Variants in AHI1 observed in about 807,000 individuals in gnomAD.
AHI1 encodes jouberin.
AHI1 carries 123 observed loss-of-function variants against 149.3 expected under a neutral mutation model. That is an observed-to-expected ratio of 0.82 (90% confidence interval 0.71 to 0.96). AHI1 has a LOEUF of 0.96. Ranked by LOEUF, AHI1 falls within the 40% of genes least tolerant of loss-of-function variation. The pLI, the probability that AHI1 is intolerant of heterozygous loss-of-function variation, is 0.00. For missense variants in AHI1, 1,439 were observed against 1,422.7 expected (o/e 1.01, Z -0.18); for synonymous variants, 475 against 459.8 (o/e 1.03, Z -0.42).
chr6:135,324,217 C>T (rs1787300090), intron 24 of AHI1, among the ~76,000 whole-genome samples: 1 of 152,066 alleles, frequency 6.6e-6, no homozygotes, highest in Non-Finnish European at 1.5e-5. Context: ...AGTCCTAGCA[C>T]TCAGGAGGCT....
At chr6:135,440,597 T>C (rs1786131075) in intron 14 of AHI1, among the ~76,000 whole-genome samples, 2 of 152,150 alleles carry the variant, frequency 1.3e-5, no homozygotes, top group African/African-American at 2.4e-5. Context: ...AAGGCAGAGC[T>C]GTAGATTGTG....
chr6:135,323,216 T>G lies in AHI1; in HGVS notation c.3274A>C (p.Ser1092Arg), dbSNP rs375028507. The G allele has an allele frequency of 1.9e-5, 30 of 1,613,702 alleles. No individual in the cohort carries two copies. Among genetic ancestry groups the G allele is most frequent in the African/African-American group, 2.7e-5 (2 of 74,926 alleles). Reference sequence around the variant, plus strand: ...TAACCTTCCTGTCCCTTTCCTATGCTGCCATACCACCAGTCTTCATTATCT... The same window carrying G: ...TAACCTTCCTGTCCCTTTCCTATGCGGCCATACCACCAGTCTTCATTATCT... ...FKDNEDWWYG[S>R]IGKGQEGYFP... Residue 1092 changes from serine to arginine, a missense_variant, in exon 25 of 29, where the codon AGC becomes CGC. By Grantham distance (110) the Ser-to-Arg change is moderately radical. Transcript: ENST00000265602.
rs1017554619 is a variant in AHI1 at position 135,284,158 on chromosome 6, G to C, written c.*1487C>G. On this transcript the variant is annotated 3_prime_UTR_variant, in exon 29 of 29. Transcript: ENST00000265602. The stretch of plus-strand genomic sequence containing the variant: ...TGCCATCAGAACAGACTTTTGGGCG[G>C]ATGGCTGTAGGCTTCACCAGTTATC... 1 of 152,194 alleles carries C rather than the reference G, an allele frequency of 6.6e-6. No individual in the cohort carries two copies. The highest frequency in any genetic ancestry group is 1.5e-5 in the Non-Finnish European group (1 of 68,028). The allele number at this position is 152,194 out of a possible 1,614,324, so 9.4% of individuals were successfully genotyped here.
intron 9 of AHI1, 109 bp downstream of exon 9, chr6:135,457,385 A>C: frequency 1.3e-6 from 1 of 749,438 alleles, no homozygotes; most frequent in Non-Finnish European, 2.2e-6. Context: ...ACTATTCTCT[A>C]ATACAAATCC....
intron 5 of AHI1, among the ~76,000 whole-genome samples, chr6:135,472,582 C>G (rs1359570126): frequency 6.6e-6 from 1 of 152,194 alleles, no homozygotes; most frequent in Non-Finnish European, 1.5e-5. Context: ...GCTTCTCAAA[C>G]TGGCTGTACT....
chr6:135,358,436 A>AG (rs1000500773), intron 23 of AHI1, among the ~76,000 whole-genome samples: 4 of 152,152 alleles, frequency 2.6e-5, no homozygotes, highest in Non-Finnish European at 4.4e-5. Flanking sequence ...CAATAGCGCA[A>AG]GATGTGTCCA....
At chr6:135,312,036 G>A (rs1785276997) in intron 26 of AHI1, among the ~76,000 whole-genome samples, 1 of 152,226 alleles carries the variant, frequency 6.6e-6, no homozygotes, top group East Asian at 1.9e-4. Flanking sequence ...GGAAGAACAT[G>A]TAAGATGCAG....
At chr6:135,481,806 GGAGAC>G (rs1304983258) in intron 5 of AHI1, among the ~76,000 whole-genome samples, 2 of 143,936 alleles carry the variant, frequency 1.4e-5, no homozygotes, top group Admixed American at 1.4e-4. Context: ...ATTTTTGCAA[GGAGAC>G]ATATCTTGCA....
In AHI1 at chr6:135,472,018, C is replaced by CAAAAAAAAAAAAAAAAAAAAAAAAA. The variant is rs541390652; in HGVS notation, c.136-4409_136-4385dup. On this transcript the variant is annotated intron_variant, in intron 5 of 28. Coordinates refer to ENST00000265602, the MANE Select transcript of AHI1 (RefSeq NM_001134831.2). ...TGGGCGACAGAGCGAGACTCCGTCTCAAAAAAAAAAAAAAAAAAAAAAAAA... is the reference window on the plus strand; with the variant it reads ...TGGGCGACAGAGCGAGACTCCGTCTCAAAAAAAAAAAAAAAAAAAAAAAAAAAAAAAAAAAAAAAAAAAAAAAAAA... Among the ~76,000 whole-genome samples, 2 of 54,424 alleles carry CAAAAAAAAAAAAAAAAAAAAAAAAA rather than the reference C, an allele frequency of 3.7e-5. 1 individual carries two copies. Among genetic ancestry groups the CAAAAAAAAAAAAAAAAAAAAAAAAA allele is most frequent in the Non-Finnish European group, 6.2e-5 (2 of 32,318 alleles). 35.7% of individuals were successfully genotyped at this position (54,424 alleles called of 152,430 possible). A position where few individuals can be genotyped will look rare whatever the true frequency, so the allele number is the denominator to read the frequency against.
At chr6:135,417,671 C>T (rs1782574230) in intron 20 of AHI1, among the ~76,000 whole-genome samples, 1 of 151,808 alleles carries the variant, frequency 6.6e-6, no homozygotes, top group Admixed American at 6.6e-5. Flanking sequence ...ATTTTCTATA[C>T]AGAAGCCAAC....
intron 24 of AHI1, among the ~76,000 whole-genome samples, chr6:135,328,899 T>C (rs1788114672): frequency 6.6e-6 from 1 of 152,158 alleles, no homozygotes; most frequent in Non-Finnish European, 1.5e-5. Context: ...GCCTTATTGC[T>C]GATATGGAAG....
chr6:135,316,853 T>C (rs1293600724), intron 26 of AHI1, among the ~76,000 whole-genome samples: 1 of 152,182 alleles, frequency 6.6e-6, no homozygotes, highest in Non-Finnish European at 1.5e-5. Context: ...CTGGGAGCAC[T>C]ACAGATACTA....
intron 8 of AHI1, among the ~76,000 whole-genome samples, chr6:135,458,043 T>TA (rs1447909802): frequency 6.6e-6 from 1 of 152,222 alleles, no homozygotes; most frequent in African/African-American, 2.4e-5. Context: ...CTAGAATTTC[T>TA]AATTCTGGGT....
chr6:135,357,228 T>C (rs1327214198), intron 24 of AHI1, among the ~76,000 whole-genome samples: 1 of 152,190 alleles, frequency 6.6e-6, no homozygotes, highest in Non-Finnish European at 1.5e-5. Flanking sequence ...TGAGCCACTG[T>C]GTCCGGCCAT....
intron 24 of AHI1, among the ~76,000 whole-genome samples, chr6:135,337,246 A>G (rs938836757): frequency 2.0e-5 from 3 of 152,154 alleles, no homozygotes; most frequent in African/African-American, 7.2e-5. Flanking sequence ...TCTTCATACT[A>G]ATTTCTCACT....
intron 8 of AHI1, among the ~76,000 whole-genome samples, chr6:135,459,719 A>G (rs17064548): frequency 2.5e-4 from 37 of 146,130 alleles, no homozygotes; most frequent in African/African-American, 8.7e-4. Flanking sequence ...AAACTACAGT[A>G]TATCAAATAG....
chr6:135,296,241 T>A (rs760635539), intron 27 of AHI1, among the ~76,000 whole-genome samples: 1 of 152,244 alleles, frequency 6.6e-6, no homozygotes, highest in Non-Finnish European at 1.5e-5. Context: ...ACTAACTTCA[T>A]GGCTCCCACT....
chr6:135,457,368 C>T (rs1789136792), intron 9 of AHI1, 126 bp downstream of exon 9: 4 of 665,134 alleles, frequency 6.0e-6, no homozygotes, highest in Non-Finnish European at 1.0e-5. Flanking sequence ...ACACCTACAA[C>T]TAGTAGACTA....
intron 15 of AHI1, among the ~76,000 whole-genome samples, chr6:135,434,849 A>G (rs1785166178): frequency 6.6e-6 from 1 of 152,182 alleles, no homozygotes; most frequent in African/African-American, 2.4e-5. Flanking sequence ...GTGGGCACAT[A>G]TAGGCCTGTG....
Sources: allele counts gnomAD v4.1 joint callset (sites outside exome capture counted in the v4.1 genomes callset), GRCh38; gene constraint gnomAD v4.1.1; transcripts MANE v1.5; gene names NCBI Gene and HGNC (gene_info 2026-07-23, HGNC 2026-07-21).